HMG20A: variants seen among roughly 807,000 people sequenced by gnomAD.
The protein encoded by HMG20A is high mobility group 20A, also known as high mobility group protein 20A.
HMG20A carries 17 observed loss-of-function variants against 43.9 expected under a neutral mutation model. The ratio of observed to expected loss-of-function variants is 0.39; its 90% confidence interval spans 0.27 to 0.58. The LOEUF is 0.58. Ranked by LOEUF, HMG20A falls within the 20% of genes least tolerant of loss-of-function variation. HMG20A has a pLI of 0.59. For missense variants in HMG20A, 341 were observed against 438.2 expected (o/e 0.78, Z 1.98); for synonymous variants, 132 against 147.5 (o/e 0.89, Z 0.76).
intron 1 of HMG20A, among the ~76,000 whole-genome samples, chr15:77,440,749 T>A (rs2073603121): frequency 6.6e-6 from 1 of 152,206 alleles, no homozygotes; most frequent in Non-Finnish European, 1.5e-5. Context: ...TCATTGCCCA[T>A]GAGTTACATG....
the HMG20A span, among the ~76,000 whole-genome samples, chr15:77,494,222 T>G: frequency 2.7e-4 from 41 of 152,288 alleles, no homozygotes; most frequent in African/African-American, 9.4e-4. Context: ...CTTGAACTCC[T>G]GGGCTCAAGA....
chr15:77,437,271 C>T (rs990795510), intron 1 of HMG20A, among the ~76,000 whole-genome samples: 6 of 152,280 alleles, frequency 3.9e-5, no homozygotes, highest in Middle Eastern at 6.8e-3. Context: ...AGGGCAGAGA[C>T]AATTTGTTCA....
chr15:77,511,552 T>C, the HMG20A span, among the ~76,000 whole-genome samples: 3 of 152,114 alleles, frequency 2.0e-5, no homozygotes, highest in Non-Finnish European at 2.9e-5. Context: ...ATCCAGAATA[T>C]ATAAAGAACT....
chr15:77,453,843 A>G (rs1295815394), intron 1 of HMG20A, among the ~76,000 whole-genome samples: 1 of 152,134 alleles, frequency 6.6e-6, no homozygotes, highest in Non-Finnish European at 1.5e-5. Context: ...GTATGATTCT[A>G]TTTATATGAA....
chr15:77,470,697 A>G (rs943616596), intron 4 of HMG20A, among the ~76,000 whole-genome samples: 1 of 152,216 alleles, frequency 6.6e-6, no homozygotes, highest in Non-Finnish European at 1.5e-5. Flanking sequence ...TAAATATTCT[A>G]AAAACTCATA....
At chr15:77,436,790 A>T (rs1055297908) in intron 1 of HMG20A, among the ~76,000 whole-genome samples, 1 of 152,130 alleles carries the variant, frequency 6.6e-6, no homozygotes, top group Non-Finnish European at 1.5e-5. Context: ...TATTCTTTAC[A>T]CAGAAGTCAG....
chr15:77,459,596 A>G (rs1324489945), intron 2 of HMG20A, among the ~76,000 whole-genome samples: 1 of 152,202 alleles, frequency 6.6e-6, no homozygotes, highest in Admixed American at 6.5e-5. Context: ...ACCTGAAGGA[A>G]ATAAGGCAAC....
the HMG20A span, among the ~76,000 whole-genome samples, chr15:77,493,454 G>A: frequency 3.9e-5 from 6 of 152,300 alleles, no homozygotes; most frequent in Admixed American, 1.3e-4. Flanking sequence ...GGCCATGTGC[G>A]GTCTTATCAC....
At chr15:77,469,099 G>A (rs796778167) in intron 4 of HMG20A, among the ~76,000 whole-genome samples, 38 of 151,474 alleles carry the variant, frequency 2.5e-4, no homozygotes, top group African/African-American at 8.7e-4. Flanking sequence ...TTGCATAGGT[G>A]GTGGTGTGTT....
At chr15:77,454,306 T>G (rs1393926013) in intron 1 of HMG20A, among the ~76,000 whole-genome samples, 1 of 152,118 alleles carries the variant, frequency 6.6e-6, no homozygotes. Context: ...GTTAGGGTGT[T>G]GGTTGCACAA....
intron 1 of HMG20A, among the ~76,000 whole-genome samples, chr15:77,436,502 A>C (rs1207307396): frequency 6.6e-6 from 1 of 150,624 alleles, no homozygotes; most frequent in African/African-American, 2.5e-5. Context: ...TCTGTTGCCC[A>C]GGCTGGAGTG....
chr15:77,465,260 CAAAAAAAAAAAAA>C (rs71145837), intron 3 of HMG20A, among the ~76,000 whole-genome samples: 2 of 59,216 alleles, frequency 3.4e-5, no homozygotes, highest in Non-Finnish European at 5.3e-5. Context: ...GACTTCGTCT[CAAAAAAAAAAAAA>C]AAAAAAAAAA....
chr15:77,511,582 G>A, the HMG20A span, among the ~76,000 whole-genome samples: 1 of 152,196 alleles, frequency 6.6e-6, no homozygotes, highest in Admixed American at 6.5e-5. Context: ...AACAACAGAA[G>A]AAACAACCCA....
chr15:77,482,213 T>C (rs535187831), intron 9 of HMG20A: 1 of 152,204 alleles, frequency 6.6e-6, no homozygotes, highest in South Asian at 2.1e-4. Context: ...AAATAGAGCA[T>C]TAAGATACAT....
chr15:77,428,102 G>A (rs1308592489), intron 1 of HMG20A, among the ~76,000 whole-genome samples: 1 of 152,192 alleles, frequency 6.6e-6, no homozygotes, highest in Non-Finnish European at 1.5e-5. Context: ...TCATAATGAA[G>A]CATTTAGCAG....
chr15:77,509,555 CGTGTGTGTGTGTGTGTGTGTGTGTGTGT>C, the HMG20A span, among the ~76,000 whole-genome samples: 18 of 115,400 alleles, frequency 1.6e-4, no homozygotes, highest in South Asian at 7.3e-4. Flanking sequence ...TGTGCCCAGC[CGTGTGTGTGTGTGTGTGTGTGTGTGTGT>C]GTGTGTGTGT....
At chr15:77,465,417 G>A (rs1258004268) in intron 3 of HMG20A, among the ~76,000 whole-genome samples, 1 of 136,676 alleles carries the variant, frequency 7.3e-6, no homozygotes, top group Admixed American at 7.5e-5. Flanking sequence ...TTTTTTTGAG[G>A]TGGAGTCTTA....
intron 5 of HMG20A, 83 bp from the exon 6 acceptor site, chr15:77,471,700 A>G: frequency 2.4e-6 from 2 of 834,236 alleles, no homozygotes; most frequent in Non-Finnish European, 4.1e-6. Context: ...AGCAGGTTTT[A>G]TAGTTTGGCA....
chr15:77,439,610 T>C (rs535881763), intron 1 of HMG20A, among the ~76,000 whole-genome samples: 2 of 152,334 alleles, frequency 1.3e-5, no homozygotes, highest in South Asian at 2.1e-4. Context: ...TGTAGGACTA[T>C]ATCATAACAT....
Sources: gnomAD v4.1 joint callset for allele counts (sites outside exome capture counted in the v4.1 genomes callset) on GRCh38, gnomAD v4.1.1 for gene constraint, MANE v1.5 for transcripts, NCBI Gene and HGNC (gene_info 2026-07-23, HGNC 2026-07-21) for gene names.